The following KIF24 variants were observed in gnomAD, a reference collection of about 807,000 sequenced individuals.
The protein encoded by KIF24 is kinesin-like protein KIF24.
In KIF24, 81 loss-of-function variants were observed where a neutral mutation model predicts 118.9. The observed-to-expected ratio is 0.68, with a 90% CI of 0.57 to 0.82. The LOEUF (loss-of-function observed/expected upper bound fraction) is 0.82, where lower values mean the gene tolerates loss of function less well. Ranked by LOEUF, KIF24 falls within the 40% of genes least tolerant of loss-of-function variation. The pLI is 0.00. For synonymous variants in KIF24, 599 were observed against 610.0 expected, an observed-to-expected ratio of 0.98 and a Z score of 0.27; for missense variants, 1,560 against 1,661.6, an observed-to-expected ratio of 0.94 and a Z score of 1.06.
At position 34,306,413 on chromosome 9, in the gene KIF24, A is replaced by G. The variant is rs1249124014; in HGVS notation, c.652T>C (p.Trp218Arg). ...RQNTSEKQNP[W>R]TEMEKIRVCV... is the part of the protein sequence containing the mutation. ...ACTCTGATTTTCTCCATCTCAGTCC[A>G]AGGATTCTGTTTCTCTGAAGTGTTC... Residue 218 changes from tryptophan to arginine, a missense_variant, in exon 3 of 13, where the codon TGG becomes CGG. This residue lies in a region of KIF24 where 964 missense variants were observed against 988.0 expected (regional missense o/e 0.98). Transcript: ENST00000402558. 2.5e-6 allele frequency: 4 copies of G among 1,608,354 alleles called. No homozygotes were observed. Among genetic ancestry groups the G allele is most frequent in the African/African-American group, 2.7e-5 (2 of 74,468 alleles).
At chr9:34,330,646 C>T (rs1274392297), upstream of KIF24, among the ~76,000 whole-genome samples, 1 of 152,142 alleles carries the variant, frequency 6.6e-6, no homozygotes, top group African/African-American at 2.4e-5. Flanking sequence ...TGACACAACG[C>T]CTGGCGAGTA....
chr9:34,257,114 A>G lies in KIF24; in HGVS notation c.2493T>C (p.Asp831=), dbSNP rs372577187. The change falls in exon 11 of 13, where the codon GAT becomes GAC. Residue 831 remains aspartate, a synonymous_variant. Coordinates refer to ENST00000402558, the MANE Select transcript of KIF24 (RefSeq NM_194313.4). Reference sequence around the variant, plus strand: ...TCTGACTAGAGATGTGTGAAAAAGAATCTTCACTGAAATCACTGTCATCAA... The same window carrying G: ...TCTGACTAGAGATGTGTGAAAAAGAGTCTTCACTGAAATCACTGTCATCAA... ...EELDDSDFSE[D]SFSHISSQRA... is the part of the protein sequence containing the mutation. 2.2e-4 allele frequency: 353 copies of G among 1,613,886 alleles called. No individual in the cohort carries two copies. The highest frequency in any genetic ancestry group is 2.8e-4 in the Non-Finnish European group (331 of 1,179,896).
intron 5 of KIF24, among the ~76,000 whole-genome samples, chr9:34,288,958 G>A (rs1836154099): frequency 6.6e-6 from 1 of 151,480 alleles, no homozygotes; most frequent in Non-Finnish European, 1.5e-5. Context: ...GACTGGAAAG[G>A]GCTCCTAATG....
upstream of KIF24, among the ~76,000 whole-genome samples, chr9:34,330,213 C>G (rs993924855): frequency 3.9e-5 from 6 of 152,124 alleles, no homozygotes; most frequent in Non-Finnish European, 1.5e-5. Context: ...ACCATCCTGG[C>G]TAACACGGTG....
chr9:34,298,894 C>T (rs767624103), intron 3 of KIF24, among the ~76,000 whole-genome samples: 15 of 151,902 alleles, frequency 9.9e-5, no homozygotes, highest in Non-Finnish European at 1.9e-4. Context: ...GGGTCCAAGA[C>T]GACTTCCAAA....
chr9:34,318,614 C>A lies in KIF24; in HGVS notation c.-25-7243G>T. On this transcript the variant is annotated intron_variant, in intron 1 of 12. Transcript: ENST00000402558. The surrounding 1 kb of genome is among the most constrained non-coding windows in gnomAD (Gnocchi z 4.9). ...GGCGGTGGAGAACATCCTGGTGTCG[C>A]CCGTGGTGGTGGCCTCGTCGTTGGG... The A allele has an allele frequency of 1.3e-6, 2 of 1,501,584 alleles. No individual in the cohort carries two copies. Among genetic ancestry groups the A allele is most frequent in the Non-Finnish European group, 1.8e-6 (2 of 1,095,576 alleles). 93.0% of individuals were successfully genotyped at this position (1,501,584 alleles called of 1,614,324 possible).
chr9:34,328,962 C>T (rs2131845542), intron 1 of KIF24, among the ~76,000 whole-genome samples, 144 bp downstream of exon 1: 1 of 152,312 alleles, frequency 6.6e-6, no homozygotes, highest in Non-Finnish European at 1.5e-5. Flanking sequence ...TTAGGAAGAG[C>T]CAAGAGGGGC....
chr9:34,306,392 T>C lies in KIF24; in HGVS notation c.673A>G (p.Arg225Gly). The change falls in exon 3 of 13, where the codon AGA becomes GGA. Residue 225 changes from arginine to glycine, a missense_variant. By Grantham distance (125) the Arg-to-Gly change is moderately radical. Transcript: ENST00000402558. ...QNPWTEMEKI[R>G]VCVRKRPLGM... ...AGGGGGCGTTTTCGAACACAAACTC[T>C]GATTTTCTCCATCTCAGTCCAAGGA... 11 of 1,612,512 alleles carry C rather than the reference T, an allele frequency of 6.8e-6. No individual in the cohort carries two copies. Among genetic ancestry groups the C allele is most frequent in the African/African-American group, 1.3e-5 (1 of 74,910 alleles).
intron 1 of KIF24, among the ~76,000 whole-genome samples, 128 bp downstream of exon 1, chr9:34,328,978 C>A (rs1837778211): frequency 6.6e-6 from 1 of 152,242 alleles, no homozygotes; most frequent in South Asian, 2.1e-4. Flanking sequence ...GGGGCCAACT[C>A]TCGGTTCCCT....
Position 34,256,177 on chromosome 9 carries a change from G to T in KIF24, c.3430C>A (p.Pro1144Thr), listed in dbSNP as rs748060847. The T allele has an allele frequency of 6.2e-7, 1 of 1,603,672 alleles. No homozygotes were observed. The highest frequency in any genetic ancestry group is 8.5e-7 in the Non-Finnish European group (1 of 1,173,320). The change falls in exon 11 of 13, where the codon CCC becomes ACC. Residue 1144 changes from proline (P) to threonine (T), a missense_variant. This residue lies in a region of KIF24 where 591 missense variants were observed against 655.6 expected (regional missense o/e 0.90). Transcript: ENST00000402558. ...PIRQHPADKL[P>T]SREADLGEAC... is the part of the protein sequence containing the mutation. ...TCTCCTAGGTCTGCCTCCCTGCTGG[G>T]CAGCTTGTCAGCTGGGTGCTGACGG...
chr9:34,258,045 C>A (rs1369915406), intron 10 of KIF24, 64 bp from the exon 11 acceptor site: 1 of 1,271,594 alleles, frequency 7.9e-7, no homozygotes, highest in Non-Finnish European at 1.1e-6. Context: ...TTTTCTATAG[C>A]TTTCTGGGAA....
At chr9:34,278,099 C>A (rs1226442148) in intron 6 of KIF24, among the ~76,000 whole-genome samples, 1 of 151,974 alleles carries the variant, frequency 6.6e-6, no homozygotes, top group Non-Finnish European at 1.5e-5. Flanking sequence ...CATGGTGAAA[C>A]CCCATCTCTA....
Position 34,255,661 on chromosome 9 carries a change from A to G in KIF24, c.3872+74T>C, listed in dbSNP as rs1563930877. 3 of 1,335,268 alleles carry G rather than the reference A, an allele frequency of 2.2e-6. 1 individual carries two copies. The highest frequency in any genetic ancestry group is 2.9e-5 in the South Asian group (2 of 69,606). 82.7% of individuals were successfully genotyped at this position (1,335,268 alleles called of 1,614,324 possible). A position where few individuals can be genotyped will look rare whatever the true frequency, so the allele number is the denominator to read the frequency against. On this transcript the variant is annotated intron_variant, in intron 11 of 12. Transcript: ENST00000402558. ...ACCCCTGCATGGCTTCTCTTTGTCCATGACAAAACAGTAAGCTGGAGTGGA... is the reference window on the plus strand; with the variant it reads ...ACCCCTGCATGGCTTCTCTTTGTCCGTGACAAAACAGTAAGCTGGAGTGGA...
chr9:34,273,481 G>A (rs1835579596), intron 6 of KIF24, among the ~76,000 whole-genome samples: 1 of 91,760 alleles, frequency 1.1e-5, no homozygotes, highest in Admixed American at 1.3e-4. Context: ...GTTGGGATAA[G>A]GCAAAGATAC....
Position 34,291,758 on chromosome 9 carries a change from T to C in KIF24, c.912-1369A>G, listed in dbSNP as rs141847924. On this transcript the variant is annotated intron_variant, in intron 4 of 12. Coordinates refer to ENST00000402558, the MANE Select transcript of KIF24 (RefSeq NM_194313.4). ...TGTTGCAGACTCTTAAACATGAATC[T>C]CATGGATTAATGATAAAAATAGCTG... Among the ~76,000 whole-genome samples the C allele has an allele frequency of 4.2e-3, 635 of 151,892 alleles. 4 individuals carry two copies. The highest frequency in any genetic ancestry group is 0.014 in the South Asian group (68 of 4,810).
At position 34,269,423 on chromosome 9, in the gene KIF24, T is replaced by G. The variant is rs567720993; in HGVS notation, c.1338-61A>C. The G allele has an allele frequency of 3.6e-6, 3 of 822,022 alleles. No individual in the cohort carries two copies. The African/African-American group carries it at 5.5e-5, about 15-fold the overall frequency. The allele number at this position is 822,022 out of a possible 1,614,324, so 50.9% of individuals were successfully genotyped here. A position where few individuals can be genotyped will look rare whatever the true frequency, so the allele number is the denominator to read the frequency against. On this transcript the variant is annotated intron_variant, in intron 7 of 12. Coordinates refer to ENST00000402558, the MANE Select transcript of KIF24 (RefSeq NM_194313.4). ...AGCTTTATTTTATTTTATTTTATTTTTATTATTATTTTTTGAGACGGAGTC... is the reference window on the plus strand; with the variant it reads ...AGCTTTATTTTATTTTATTTTATTTGTATTATTATTTTTTGAGACGGAGTC...
chr9:34,254,593 C>A, intron 12 of KIF24, 73 bp from the exon 13 acceptor site: 1 of 1,494,984 alleles, frequency 6.7e-7, no homozygotes, highest in Non-Finnish European at 9.1e-7. Flanking sequence ...TTTTCAGTCC[C>A]TCCTCTGGCA....
rs1000550296 is a variant in KIF24 at position 34,253,815 on chromosome 9, T to G, written c.*565A>C. ...AGTCAAGGTTTATGCTATTTACATT[T>G]TCAAAAACGCCTCTAAATCCCCAAA... is the stretch of plus-strand genomic sequence containing the variant. On this transcript the variant is annotated 3_prime_UTR_variant, in exon 13 of 13. Transcript: ENST00000402558. The G allele has an allele frequency of 6.6e-6, 1 of 152,264 alleles. No individual in the cohort carries two copies. The highest frequency in any genetic ancestry group is 2.4e-5 in the African/African-American group (1 of 41,458). The allele number at this position is 152,264 out of a possible 1,614,324, so 9.4% of individuals were successfully genotyped here.
chr9:34,257,962 CTTTCT>C lies in KIF24; in HGVS notation c.1640_1644del (p.Lys547ArgfsTer3). 1 of 1,606,850 alleles carries C rather than the reference CTTTCT, an allele frequency of 6.2e-7. No homozygotes were observed. The highest frequency in any genetic ancestry group is 8.5e-7 in the Non-Finnish European group (1 of 1,176,552). On this transcript the variant is annotated frameshift_variant, in exon 11 of 13. Transcript: ENST00000402558. LOFTEE classifies it high-confidence loss of function. Reference sequence around the variant, plus strand: ...GTAACTGAAGTGCAACACTTAATGCCTTTCTTTAGTTCTTTGACCCTGTAAATAAT... The same window carrying C: ...GTAACTGAAGTGCAACACTTAATGCCTTAGTTCTTTGACCCTGTAAATAAT...
Sources: gnomAD v4.1 joint callset for allele counts (sites outside exome capture counted in the v4.1 genomes callset) on GRCh38, gnomAD v4.1.1 for gene constraint, gnomAD v4.1.1 regional missense constraint, Gnocchi (gnomAD v3.1) non-coding constraint, MANE v1.5 for transcripts, NCBI Gene and HGNC (gene_info 2026-07-23, HGNC 2026-07-21) for gene names.